Variants in KITLG observed in about 807,000 individuals in gnomAD.
KITLG encodes KIT ligand.
KITLG carries 13 observed loss-of-function variants against 34.1 expected under a neutral mutation model. The observed-to-expected ratio is 0.38, with a 90% CI of 0.25 to 0.61. KITLG has a LOEUF of 0.61. KITLG is among the 20% of genes least tolerant of loss of function. The pLI is 0.60. For synonymous variants in KITLG, 110 were observed against 104.0 expected, an observed-to-expected ratio of 1.06 and a Z score of -0.35; for missense variants, 292 against 318.9, an observed-to-expected ratio of 0.92 and a Z score of 0.64.
intron 6 of KITLG, among the ~76,000 whole-genome samples, chr12:88,508,004 C>T (rs1372884540): frequency 2.0e-5 from 3 of 151,892 alleles, no homozygotes; most frequent in African/African-American, 4.8e-5. Flanking sequence ...CCAGCCAACA[C>T]GGTAAAACCC....
At chr12:88,548,849 T>C (rs1412456580) in intron 1 of KITLG, among the ~76,000 whole-genome samples, 4 of 152,164 alleles carry the variant, frequency 2.6e-5, no homozygotes, top group African/African-American at 7.2e-5. Flanking sequence ...AGAAGACTTA[T>C]AGGGAGGGTC....
intron 1 of KITLG, among the ~76,000 whole-genome samples, chr12:88,546,391 A>G (rs1352783094): frequency 6.6e-6 from 1 of 152,206 alleles, no homozygotes; most frequent in Non-Finnish European, 1.5e-5. Flanking sequence ...AGACATCAAA[A>G]GAATATTTTG....
Position 88,554,816 on chromosome 12 carries a change from C to T in KITLG, c.16-8951G>A, listed in dbSNP as rs1019733581. Among the ~76,000 whole-genome samples the T allele has an allele frequency of 4.6e-5, 7 of 152,282 alleles. No individual in the cohort carries two copies. In the South Asian group the frequency reaches 1.5e-3, roughly 32 times the overall value. On this transcript the variant is annotated intron_variant, in intron 1 of 9. Coordinates refer to ENST00000644744, the MANE Select transcript of KITLG (RefSeq NM_000899.5). ...TCATCTTACACAGACTAAAATTCTT[C>T]TCTAAGCACTGTTAAGTAATCTTAA...
intron 2 of KITLG, among the ~76,000 whole-genome samples, chr12:88,543,400 T>C (rs1870590769): frequency 6.6e-6 from 1 of 152,170 alleles, no homozygotes; most frequent in Non-Finnish European, 1.5e-5. Context: ...CTGAGAATAA[T>C]TGTTTCCAGC....
intron 1 of KITLG, among the ~76,000 whole-genome samples, chr12:88,565,961 T>C (rs763623975): frequency 8.5e-5 from 13 of 152,234 alleles, no homozygotes; most frequent in Non-Finnish European, 1.8e-4. Context: ...TCCTTTCTGG[T>C]TCTTAAGTCT....
At chr12:88,523,109 T>C (rs1267864202) in intron 3 of KITLG, among the ~76,000 whole-genome samples, 1 of 152,238 alleles carries the variant, frequency 6.6e-6, no homozygotes, top group Non-Finnish European at 1.5e-5. Context: ...AACTTCAGTC[T>C]TGCTGGAATT....
chr12:88,569,828 T>G (rs1412550692), intron 1 of KITLG, among the ~76,000 whole-genome samples: 1 of 152,202 alleles, frequency 6.6e-6, no homozygotes, highest in Non-Finnish European at 1.5e-5. Context: ...GTGATGCTGC[T>G]GATAAGGTTG....
Position 88,493,678 on chromosome 12 carries a change from A to G in KITLG, c.*3541T>C, listed in dbSNP as rs891431307. The G allele has an allele frequency of 3.3e-5, 5 of 151,912 alleles. No homozygotes were observed. Among genetic ancestry groups the G allele is most frequent in the Non-Finnish European group, 7.4e-5 (5 of 67,850 alleles). 9.4% of individuals were successfully genotyped at this position (151,912 alleles called of 1,614,324 possible). A position where few individuals can be genotyped will look rare whatever the true frequency, so the allele number is the denominator to read the frequency against. ...TTTGGCATTCAAAACCTTCATGAGC[A>G]TTTTACATTTTCTGCTCTTAGTTTT... On this transcript the variant is annotated 3_prime_UTR_variant, in exon 10 of 10. Coordinates refer to ENST00000644744, the MANE Select transcript of KITLG (RefSeq NM_000899.5).
intron 1 of KITLG, among the ~76,000 whole-genome samples, chr12:88,568,680 T>C (rs1306569260): frequency 6.6e-6 from 1 of 152,162 alleles, no homozygotes; most frequent in Non-Finnish European, 1.5e-5. Flanking sequence ...AGAAATATAA[T>C]TTACTTCTTA....
At chr12:88,526,959 C>T (rs1263666536) in intron 3 of KITLG, among the ~76,000 whole-genome samples, 2 of 151,406 alleles carry the variant, frequency 1.3e-5, no homozygotes, top group East Asian at 1.9e-4. Flanking sequence ...AACTCCACCT[C>T]CCAGGTTCAC....
chr12:88,574,711 C>T (rs1372528132), intron 1 of KITLG, among the ~76,000 whole-genome samples: 4 of 152,048 alleles, frequency 2.6e-5, no homozygotes, highest in Admixed American at 2.0e-4. Flanking sequence ...CATGCACACA[C>T]GTACTGGAAG....
intron 1 of KITLG, among the ~76,000 whole-genome samples, chr12:88,557,499 G>T (rs577832567): frequency 6.6e-6 from 1 of 152,160 alleles, no homozygotes; most frequent in African/African-American, 2.4e-5. Flanking sequence ...TTAAGGAGAT[G>T]CGAGCTAATG....
chr12:88,507,135 TC>T lies in KITLG; in HGVS notation c.606del (p.Lys203ArgfsTer25). ...GAGTCTCCAGGGGGATTTTTGGCCTTCCCTATAATTTAAAGAACACACTGAT... is the reference window on the plus strand; with the variant it reads ...GAGTCTCCAGGGGGATTTTTGGCCTTCCTATAATTTAAAGAACACACTGAT... ...SLRNDSSSSN[R>X]KAKNPPGDSS... On this transcript the variant is annotated frameshift_variant and splice_region_variant, in exon 7 of 10. Transcript: ENST00000644744. LOFTEE classifies it high-confidence loss of function. 1 of 1,594,588 alleles carries T rather than the reference TC, an allele frequency of 6.3e-7. No individual in the cohort carries two copies. The highest frequency in any genetic ancestry group is 8.6e-7 in the Non-Finnish European group (1 of 1,162,264).
chr12:88,547,882 G>C (rs1331494511), intron 1 of KITLG, among the ~76,000 whole-genome samples: 3 of 152,186 alleles, frequency 2.0e-5, no homozygotes, highest in Non-Finnish European at 4.4e-5. Flanking sequence ...ACCAGGCATT[G>C]TCCTAGGTGC....
At chr12:88,519,369 T>G (rs1003857655) in intron 3 of KITLG, among the ~76,000 whole-genome samples, 1 of 152,140 alleles carries the variant, frequency 6.6e-6, no homozygotes, top group Non-Finnish European at 1.5e-5. Flanking sequence ...AAAGATCTTT[T>G]AAGTGGAAAC....
chr12:88,513,611 A>G (rs905395503), intron 6 of KITLG, among the ~76,000 whole-genome samples: 1 of 151,720 alleles, frequency 6.6e-6, no homozygotes, highest in African/African-American at 2.4e-5. Flanking sequence ...CATAAGAAAG[A>G]TTTGCTCTAA....
chr12:88,506,541 T>G (rs1046638142), intron 7 of KITLG, among the ~76,000 whole-genome samples, 163 bp from the exon 8 acceptor site: 1 of 152,184 alleles, frequency 6.6e-6, no homozygotes, highest in African/African-American at 2.4e-5. Flanking sequence ...TTATGAAAGC[T>G]GCATGGTACT....
chr12:88,569,359 A>C (rs1009342587), intron 1 of KITLG, among the ~76,000 whole-genome samples: 3 of 152,158 alleles, frequency 2.0e-5, no homozygotes, highest in African/African-American at 7.2e-5. Context: ...CTCAGGACAA[A>C]AGTGAATTTG....
At chr12:88,564,858 A>G (rs1003306334) in intron 1 of KITLG, among the ~76,000 whole-genome samples, 2 of 152,196 alleles carry the variant, frequency 1.3e-5, no homozygotes, top group Non-Finnish European at 2.9e-5. Flanking sequence ...TTAAAAGTAC[A>G]TGCAATATCT....
Sources: gnomAD v4.1 joint callset for allele counts (sites outside exome capture counted in the v4.1 genomes callset) on GRCh38, gnomAD v4.1.1 for gene constraint, MANE v1.5 for transcripts, NCBI Gene and HGNC (gene_info 2026-07-23, HGNC 2026-07-21) for gene names.